KAZN: variants seen among roughly 807,000 people sequenced by gnomAD.
KAZN encodes the protein kazrin, periplakin interacting protein, also known as kazrin.
Under a neutral mutation model 87.4 loss-of-function variants are expected in KAZN, and 40 were observed. The observed-to-expected ratio is 0.46, with a 90% CI of 0.36 to 0.60. The LOEUF (loss-of-function observed/expected upper bound fraction) is 0.60. Ranked by LOEUF, KAZN falls within the 20% of genes least tolerant of loss-of-function variation. The pLI is 0.00. For missense variants in KAZN, 898 were observed against 1,073.9 expected (o/e 0.84, Z 2.29); for synonymous variants, 466 against 458.3 (o/e 1.02, Z -0.22).
At chr1:14,801,088 CG>C (rs1645999198) in intron 1 of KAZN, among the ~76,000 whole-genome samples, 1 of 150,896 alleles carries the variant, frequency 6.6e-6, no homozygotes, top group Non-Finnish European at 1.5e-5. Context: ...AAAAGAGTCA[CG>C]GGGCGCAGAG....
rs148459798 is a variant in KAZN at position 15,092,451 on chromosome 1, A to ATTTGTTTTGT, written c.1223-1707_1223-1698dup. On this transcript the variant is annotated intron_variant, in intron 8 of 14. Transcript: ENST00000376030. ...TGTTTGGGTGTGTGTGTGTGTTTTT[A>ATTTGTTTTGT]TTTGTTTTGTTTTGTTTTGTTTTGT... Among the ~76,000 whole-genome samples, 284 of 149,950 alleles carry ATTTGTTTTGT rather than the reference A, an allele frequency of 1.9e-3. 3 individuals are homozygous for ATTTGTTTTGT. The highest frequency in any genetic ancestry group is 8.1e-3 in the East Asian group (41 of 5,036).
chr1:14,901,214 C>A (rs890903771), intron 1 of KAZN, among the ~76,000 whole-genome samples: 2 of 152,150 alleles, frequency 1.3e-5, no homozygotes, highest in Non-Finnish European at 2.9e-5. Flanking sequence ...CTGACGTAGA[C>A]CTGAATGGCA....
intron 1 of KAZN, among the ~76,000 whole-genome samples, chr1:14,631,008 G>T (rs1267973121): frequency 6.6e-6 from 1 of 152,144 alleles, no homozygotes; most frequent in African/African-American, 2.4e-5. Context: ...CAAGCGTATT[G>T]ATCTTCTAGC....
chr1:14,177,978 T>G (rs533738802), intron 1 of KAZN, among the ~76,000 whole-genome samples: 9 of 152,150 alleles, frequency 5.9e-5, no homozygotes, highest in Non-Finnish European at 1.2e-4. Flanking sequence ...AATTGTAGTT[T>G]CCATAATCTC....
chr1:14,385,906 A>G (rs1231518105), intron 2 of KAZN, among the ~76,000 whole-genome samples: 46 of 147,830 alleles, frequency 3.1e-4, no homozygotes, highest in African/African-American at 1.1e-3. Context: ...TGATGTTGAC[A>G]GTGGGGTGTT....
At position 14,658,495 on chromosome 1, in the gene KAZN, A is replaced by G. The variant is rs139365886; in HGVS notation, c.226+59272A>G. ...AATGTGTGCAAAGTATTGTGCACAG[A>G]GCCTGGGTCCTAGAAAGTCCTCGAA... On this transcript the variant is annotated intron_variant, in intron 1 of 14. Coordinates refer to ENST00000376030, the MANE Select transcript of KAZN (RefSeq NM_201628.3). 3.8e-3 allele frequency among the ~76,000 whole-genome samples: 579 copies of G among 152,326 alleles called. 13 individuals carry two copies. In the East Asian group the frequency reaches 0.042, roughly 11 times the overall value.
intron 1 of KAZN, among the ~76,000 whole-genome samples, chr1:14,623,333 C>T (rs148114988): frequency 1.4e-3 from 211 of 152,322 alleles, no homozygotes; most frequent in Middle Eastern, 3.4e-3. Context: ...ATAGATGGAA[C>T]TGGAGGCCAT....
chr1:14,171,484 T>C (rs1481276985), intron 1 of KAZN, among the ~76,000 whole-genome samples: 1 of 148,942 alleles, frequency 6.7e-6, no homozygotes, highest in Non-Finnish European at 1.5e-5. Context: ...AGTTTTATTA[T>C]AATAATGGGG....
chr1:14,910,002 G>A (rs924652089), intron 1 of KAZN, among the ~76,000 whole-genome samples: 2 of 152,114 alleles, frequency 1.3e-5, no homozygotes, highest in Non-Finnish European at 2.9e-5. Flanking sequence ...ATAGTGAGCC[G>A]AGACACTGTT....
intron 1 of KAZN, among the ~76,000 whole-genome samples, chr1:14,073,027 A>G (rs184430767): frequency 1.2e-4 from 18 of 152,316 alleles, no homozygotes; most frequent in Non-Finnish European, 2.1e-4. Context: ...CCTTCAGGTC[A>G]TGGTGGAAGG....
intron 2 of KAZN, among the ~76,000 whole-genome samples, chr1:14,541,598 G>A (rs1455322048): frequency 6.6e-6 from 1 of 152,160 alleles, no homozygotes. Flanking sequence ...CAAGCGTTAG[G>A]AGAATAAATG....
intron 2 of KAZN, among the ~76,000 whole-genome samples, chr1:14,263,650 G>A (rs1651253458): frequency 6.6e-6 from 1 of 152,150 alleles, no homozygotes; most frequent in South Asian, 2.1e-4. Flanking sequence ...GGGCAGGGTG[G>A]GGCTGGGGTG....
chr1:14,224,928 T>G (rs1377107305), intron 2 of KAZN, among the ~76,000 whole-genome samples: 1 of 152,124 alleles, frequency 6.6e-6, no homozygotes, highest in Non-Finnish European at 1.5e-5. Flanking sequence ...TAAAGGAGGC[T>G]TACAGAGAAA....
intron 1 of KAZN, among the ~76,000 whole-genome samples, chr1:14,775,805 T>C (rs1645158825): frequency 6.6e-6 from 1 of 152,124 alleles, no homozygotes; most frequent in Non-Finnish European, 1.5e-5. Flanking sequence ...CTGCAAAAGC[T>C]CAAGTGTCCT....
At chr1:14,966,420 T>G (rs1664460962) in intron 2 of KAZN, among the ~76,000 whole-genome samples, 1 of 152,334 alleles carries the variant, frequency 6.6e-6, no homozygotes, top group South Asian at 2.1e-4. Context: ...TCATCTCTGC[T>G]CCGTCTGTCT....
At chr1:14,682,849 A>G (rs1485239726) in intron 1 of KAZN, among the ~76,000 whole-genome samples, 1 of 152,176 alleles carries the variant, frequency 6.6e-6, no homozygotes, top group Non-Finnish European at 1.5e-5. Flanking sequence ...TTTTTATTGT[A>G]AGAGATGGAC....
intron 1 of KAZN, among the ~76,000 whole-genome samples, chr1:14,874,813 T>C (rs1175006358): frequency 1.5e-4 from 23 of 152,086 alleles, no homozygotes; most frequent in Admixed American, 1.5e-3. Flanking sequence ...TTTCCCCTTT[T>C]AAGGTTTGAG....
chr1:14,623,383 C>T (rs1226240709), intron 1 of KAZN, among the ~76,000 whole-genome samples: 2 of 152,166 alleles, frequency 1.3e-5, no homozygotes, highest in African/African-American at 4.8e-5. Context: ...AACCAAATGC[C>T]ACATGTCCTC....
intron 1 of KAZN, among the ~76,000 whole-genome samples, chr1:14,706,756 C>A (rs924523915): frequency 6.6e-6 from 1 of 152,182 alleles, no homozygotes; most frequent in South Asian, 2.1e-4. Context: ...TTCTCCACAC[C>A]TTTTAGTAAG....
Sources: gnomAD v4.1 joint callset for allele counts (sites outside exome capture counted in the v4.1 genomes callset) on GRCh38, gnomAD v4.1.1 for gene constraint, MANE v1.5 for transcripts, NCBI Gene and HGNC (gene_info 2026-07-23, HGNC 2026-07-21) for gene names.